The following ATP10A variants were observed in gnomAD, a reference collection of about 807,000 sequenced individuals.
ATP10A encodes phospholipid-transporting ATPase VA.
ATP10A carries 111 observed loss-of-function variants against 147.8 expected under a neutral mutation model. The ratio of observed to expected loss-of-function variants is 0.75; its 90% confidence interval spans 0.64 to 0.88. The LOEUF (loss-of-function observed/expected upper bound fraction) is 0.88, where lower values mean the gene tolerates loss of function less well. ATP10A is among the 40% of genes least tolerant of loss of function. The pLI is 0.00. For missense variants in ATP10A, 1,927 were observed against 1,959.0 expected (o/e 0.98, Z 0.31); for synonymous variants, 875 against 841.6 (o/e 1.04, Z -0.69).
At chr15:25,779,294 T>G (rs984018733) in intron 2 of ATP10A, among the ~76,000 whole-genome samples, 1 of 152,212 alleles carries the variant, frequency 6.6e-6, no homozygotes, top group Non-Finnish European at 1.5e-5. Flanking sequence ...TTTTCCACCT[T>G]GTCTGAGGTT....
chr15:25,861,902 A>G, intron 1 of ATP10A: 1 of 214,354 alleles, frequency 4.7e-6, no homozygotes, highest in South Asian at 5.8e-5. Flanking sequence ...AGGCCTCTGG[A>G]CAGGTCCGCC....
At chr15:25,722,813 C>A (rs1452947973) in intron 6 of ATP10A, among the ~76,000 whole-genome samples, 1 of 152,200 alleles carries the variant, frequency 6.6e-6, no homozygotes, top group Non-Finnish European at 1.5e-5. Context: ...TTGGTAGTGA[C>A]CCCACTGCCC....
chr15:25,830,004 G>C lies in ATP10A; in HGVS notation c.449+32644C>G, dbSNP rs185348256. ...TGTGCTAGGGGCCGGGGTGGAGGCAGGAGGTGGTTAGGGTAAGCTAGGAGG... is the reference window on the plus strand; with the variant it reads ...TGTGCTAGGGGCCGGGGTGGAGGCACGAGGTGGTTAGGGTAAGCTAGGAGG... On this transcript the variant is annotated intron_variant, in intron 1 of 20. Coordinates refer to ENST00000555815, the MANE Select transcript of ATP10A (RefSeq NM_024490.4). 3.2e-4 allele frequency among the ~76,000 whole-genome samples: 49 copies of C among 152,268 alleles called. 2 individuals are homozygous for C. The East Asian group carries it at 9.5e-3, about 29-fold the overall frequency.
intron 2 of ATP10A, among the ~76,000 whole-genome samples, chr15:25,772,673 G>C (rs1219393021): frequency 6.6e-6 from 1 of 152,306 alleles, no homozygotes; most frequent in East Asian, 1.9e-4. Flanking sequence ...TGCGGCAAAG[G>C]TCAGTTGTGA....
chr15:25,838,967 G>A (rs538379105), intron 1 of ATP10A, among the ~76,000 whole-genome samples: 7 of 152,288 alleles, frequency 4.6e-5, no homozygotes, highest in Non-Finnish European at 8.8e-5. Context: ...CTAACCACAA[G>A]CTGGGTCATT....
chr15:25,835,788 C>T (rs566055762), intron 1 of ATP10A, among the ~76,000 whole-genome samples: 4 of 152,272 alleles, frequency 2.6e-5, no homozygotes, highest in African/African-American at 4.8e-5. Flanking sequence ...CGTGCCACCA[C>T]GCCCAGCTAA....
At chr15:25,798,189 G>A (rs542647118) in intron 1 of ATP10A, among the ~76,000 whole-genome samples, 3 of 152,106 alleles carry the variant, frequency 2.0e-5, no homozygotes, top group Non-Finnish European at 4.4e-5. Context: ...CCCTGCCCTG[G>A]CAGGTGAGAT....
intron 3 of ATP10A, among the ~76,000 whole-genome samples, chr15:25,729,687 C>A (rs905653898): frequency 6.6e-6 from 1 of 152,218 alleles, no homozygotes; most frequent in African/African-American, 2.4e-5. Flanking sequence ...ACAGCATGTT[C>A]TGTCCACTCT....
At chr15:25,844,263 A>G (rs558171462) in intron 1 of ATP10A, among the ~76,000 whole-genome samples, 114 of 152,294 alleles carry the variant, frequency 7.5e-4, no homozygotes, top group African/African-American at 2.5e-3. Context: ...CCCTGAGGGA[A>G]CAGGTGGTGC....
chr15:25,856,974 G>GA (rs1893545791), intron 1 of ATP10A, among the ~76,000 whole-genome samples: 1 of 152,106 alleles, frequency 6.6e-6, no homozygotes, highest in African/African-American at 2.4e-5. Flanking sequence ...GGGAAAAAAA[G>GA]AAAGAGAATA....
At chr15:25,719,784 C>T (rs1008775592) in intron 7 of ATP10A, among the ~76,000 whole-genome samples, 3 of 152,174 alleles carry the variant, frequency 2.0e-5, no homozygotes, top group African/African-American at 7.2e-5. Context: ...CCAGCTAGCT[C>T]CAGGTCATCT....
intron 1 of ATP10A, among the ~76,000 whole-genome samples, chr15:25,788,489 T>A (rs1311238956): frequency 6.6e-6 from 1 of 152,256 alleles, no homozygotes; most frequent in Non-Finnish European, 1.5e-5. Flanking sequence ...GTCACCAGAC[T>A]GTCAACAGTG....
chr15:25,720,136 T>A (rs930314394), intron 7 of ATP10A, among the ~76,000 whole-genome samples: 11 of 152,208 alleles, frequency 7.2e-5, no homozygotes, highest in Non-Finnish European at 1.5e-4. Context: ...CCTGGGAGCC[T>A]AAGCTTCCAA....
intron 1 of ATP10A, among the ~76,000 whole-genome samples, chr15:25,857,980 G>A (rs28679608): frequency 0.15 from 23,202 of 152,086 alleles, 1,820 homozygotes; most frequent in Middle Eastern, 0.18. Context: ...AAGTAAAAAA[G>A]GAACTGCCTC....
intron 1 of ATP10A, chr15:25,862,413 A>G: frequency 1.5e-6 from 1 of 652,696 alleles, no homozygotes; most frequent in Non-Finnish European, 2.8e-6. Context: ...GTGACAGGGG[A>G]TCCCCACGCG....
intron 1 of ATP10A, among the ~76,000 whole-genome samples, chr15:25,832,582 C>T (rs1892406307): frequency 6.7e-6 from 1 of 149,828 alleles, no homozygotes; most frequent in Non-Finnish European, 1.5e-5. Context: ...TTTTTTCAAA[C>T]ACATTTCCTT....
chr15:25,754,101 T>C lies in ATP10A; in HGVS notation c.655-17960A>G, dbSNP rs191277809. On this transcript the variant is annotated intron_variant, in intron 2 of 20. Transcript: ENST00000555815. ...AGGTGTGAACCACTGTGCATTCATG[T>C]GCTGCGGTTTTTTATTTTGTTTGTT... Among the ~76,000 whole-genome samples the C allele has an allele frequency of 2.1e-4, 32 of 152,266 alleles. No homozygotes were observed. The East Asian group carries it at 5.4e-3, about 26-fold the overall frequency.
chr15:25,768,438 A>C (rs1889143051), intron 2 of ATP10A, among the ~76,000 whole-genome samples: 1 of 151,958 alleles, frequency 6.6e-6, no homozygotes, highest in Non-Finnish European at 1.5e-5. Context: ...CTGGACTCCC[A>C]TCCTGTCCAC....
At chr15:25,789,787 T>C (rs1270710790) in intron 1 of ATP10A, among the ~76,000 whole-genome samples, 1 of 152,116 alleles carries the variant, frequency 6.6e-6, no homozygotes, top group Non-Finnish European at 1.5e-5. Flanking sequence ...TCCTTGATGG[T>C]GGACAGCTCT....
Sources: allele counts gnomAD v4.1 joint callset (sites outside exome capture counted in the v4.1 genomes callset), GRCh38; gene constraint gnomAD v4.1.1; transcripts MANE v1.5; gene names NCBI Gene and HGNC (gene_info 2026-07-23, HGNC 2026-07-21).